The following TRPM3 variants were observed in gnomAD, a reference collection of about 807,000 sequenced individuals.
The protein encoded by TRPM3 is long transient receptor potential channel 3.
In TRPM3, 77 loss-of-function variants were observed where a neutral mutation model predicts 181.2. The ratio of observed to expected loss-of-function variants is 0.42; its 90% CI spans 0.35 to 0.51. TRPM3 has a LOEUF of 0.51. Among genes scored for constraint, TRPM3 ranks in the 20% least tolerant of loss-of-function variants. TRPM3 has a pLI of 0.01. For synonymous variants in TRPM3, 745 were observed against 796.4 expected (o/e 0.94, Z 1.09); for missense variants, 1,759 against 2,196.7 (o/e 0.80, Z 3.98).
At chr9:70,586,772 C>T (rs1361488929) in intron 22 of TRPM3, among the ~76,000 whole-genome samples, 1 of 152,152 alleles carries the variant, frequency 6.6e-6, no homozygotes, top group African/African-American at 2.4e-5. Flanking sequence ...CAATGCATAA[C>T]AATAGTCATC....
intron 1 of TRPM3, among the ~76,000 whole-genome samples, chr9:71,023,810 A>C (rs946355579): frequency 5.9e-5 from 9 of 152,164 alleles, no homozygotes; most frequent in Middle Eastern, 3.2e-3. Context: ...ATTAGTGGCC[A>C]CTAGGCCTTA....
chr9:71,171,343 T>TCC (rs939380121), intron 1 of TRPM3, among the ~76,000 whole-genome samples: 1 of 152,114 alleles, frequency 6.6e-6, no homozygotes, highest in African/African-American at 2.4e-5. Flanking sequence ...ATTCGCACAC[T>TCC]CCCTCCCCTT....
At chr9:71,426,871 T>C (rs1217187027) in intron 1 of TRPM3, among the ~76,000 whole-genome samples, 1 of 152,146 alleles carries the variant, frequency 6.6e-6, no homozygotes, top group Non-Finnish European at 1.5e-5. Flanking sequence ...TCGATTTTTT[T>C]CCTCTGTCTT....
chr9:71,053,589 G>A (rs1457844777), intron 1 of TRPM3, among the ~76,000 whole-genome samples: 1 of 152,068 alleles, frequency 6.6e-6, no homozygotes, highest in Non-Finnish European at 1.5e-5. Flanking sequence ...TTTGACAATT[G>A]TGTTATTTTT....
intron 1 of TRPM3, among the ~76,000 whole-genome samples, chr9:71,444,487 A>C (rs2131693931): frequency 6.6e-6 from 1 of 152,322 alleles, no homozygotes; most frequent in Non-Finnish European, 1.5e-5. Flanking sequence ...TGGGGACAAC[A>C]CATAATGAAT....
At chr9:70,744,077 C>T (rs2074672091) in intron 8 of TRPM3, among the ~76,000 whole-genome samples, 1 of 152,010 alleles carries the variant, frequency 6.6e-6, no homozygotes, top group Non-Finnish European at 1.5e-5. Context: ...CACGTAATCC[C>T]AGCTCTTTGG....
exon 1 of TRPM3, chr9:71,446,696 T>C (rs2094209033): frequency 6.4e-7 from 1 of 1,550,522 alleles, no homozygotes; most frequent in Non-Finnish European, 8.7e-7. Context: ...GGTGGACCCC[T>C]GCTTGGAACT....
At chr9:71,167,313 G>C (rs2134757244) in intron 1 of TRPM3, among the ~76,000 whole-genome samples, 1 of 152,148 alleles carries the variant, frequency 6.6e-6, no homozygotes, top group South Asian at 2.1e-4. Context: ...AGACCACTAG[G>C]TATGAAATGA....
At chr9:70,816,908 C>T (rs781139619) in intron 6 of TRPM3, among the ~76,000 whole-genome samples, 82 of 152,314 alleles carry the variant, frequency 5.4e-4, no homozygotes, top group East Asian at 3.9e-4. Context: ...ACAGCTAGTG[C>T]AAGACTTATC....
At chr9:70,933,924 A>G (rs1487387594) in intron 1 of TRPM3, among the ~76,000 whole-genome samples, 2 of 152,110 alleles carry the variant, frequency 1.3e-5, no homozygotes, top group Non-Finnish European at 2.9e-5. Context: ...GACAGAAAGG[A>G]AAAGGTAGGA....
At chr9:71,004,439 G>C (rs563125330) in intron 1 of TRPM3, among the ~76,000 whole-genome samples, 1 of 152,232 alleles carries the variant, frequency 6.6e-6, no homozygotes, top group Admixed American at 6.5e-5. Context: ...GGAAGCAACC[G>C]CAGAATGGCG....
At chr9:70,596,791 T>G (rs1316484125) in intron 21 of TRPM3, among the ~76,000 whole-genome samples, 1 of 151,926 alleles carries the variant, frequency 6.6e-6, no homozygotes, top group African/African-American at 2.4e-5. Flanking sequence ...GTGAAAGATA[T>G]TAGCAAAGAG....
chr9:71,173,067 C>G (rs901045473), intron 1 of TRPM3, among the ~76,000 whole-genome samples: 1 of 152,108 alleles, frequency 6.6e-6, no homozygotes, highest in African/African-American at 2.4e-5. Context: ...CTCTGAACAC[C>G]TTTTCACTGA....
chr9:71,407,303 T>C lies in TRPM3; in HGVS notation c.183+39350A>G, dbSNP rs376213544. ...ATCTCACCCGGGAAGTACAAGGGGT[T>C]GGGGAATTCCCTTACCTAGCCAAGG... On this transcript the variant is annotated intron_variant, in intron 1 of 24. Transcript: ENST00000357533. Among the ~76,000 whole-genome samples the C allele has an allele frequency of 2.0e-5, 3 of 152,142 alleles. No homozygotes were observed. The East Asian group carries it at 5.8e-4, about 29-fold the overall frequency.
intron 25 of TRPM3, among the ~76,000 whole-genome samples, chr9:70,545,752 TG>T (rs1419405407): frequency 6.6e-6 from 1 of 152,102 alleles, no homozygotes; most frequent in South Asian, 2.1e-4. Flanking sequence ...TTCACCATGG[TG>T]GCCAGGCTGG....
At chr9:71,042,459 G>T (rs1314997792) in intron 1 of TRPM3, among the ~76,000 whole-genome samples, 1 of 152,180 alleles carries the variant, frequency 6.6e-6, no homozygotes, top group Admixed American at 6.5e-5. Context: ...AATGTATCTT[G>T]TATTTGTTTC....
chr9:71,003,599 T>C (rs1435520492), intron 1 of TRPM3, among the ~76,000 whole-genome samples: 4 of 152,112 alleles, frequency 2.6e-5, no homozygotes, highest in Non-Finnish European at 4.4e-5. Flanking sequence ...GCTAATAGGA[T>C]GTGTTGTTGA....
At chr9:71,215,905 C>G (rs1419022795) in intron 1 of TRPM3, among the ~76,000 whole-genome samples, 3 of 152,286 alleles carry the variant, frequency 2.0e-5, no homozygotes, top group Middle Eastern at 6.8e-3. Context: ...AAGTTACTTA[C>G]AATCCATGGC....
Position 71,353,536 on chromosome 9 carries a change from T to A in TRPM3, c.183+93117A>T, listed in dbSNP as rs1029957858. Reference sequence around the variant, plus strand: ...AGTCAGGGCATCTCATCACTACCTGTGTTGCCTAGGGCGAATGACTTCAAC... The same window carrying A: ...AGTCAGGGCATCTCATCACTACCTGAGTTGCCTAGGGCGAATGACTTCAAC... On this transcript the variant is annotated intron_variant, in intron 1 of 24. Transcript: ENST00000357533. 2.6e-5 allele frequency among the ~76,000 whole-genome samples: 4 copies of A among 152,188 alleles called. No individual in the cohort carries two copies. In the South Asian group the frequency reaches 8.3e-4, roughly 31 times the overall value.
Sources: allele counts gnomAD v4.1 joint callset (sites outside exome capture counted in the v4.1 genomes callset), GRCh38; gene constraint gnomAD v4.1.1; transcripts MANE v1.5; gene names NCBI Gene and HGNC (gene_info 2026-07-23, HGNC 2026-07-21).